The following GABRG2 variants were observed in gnomAD, a reference collection of about 807,000 sequenced individuals.
GABRG2 encodes the protein gamma-aminobutyric acid receptor subunit gamma-2.
GABRG2 carries 16 observed loss-of-function variants against 56.4 expected under a neutral mutation model. The ratio of observed to expected loss-of-function variants is 0.28; its 90% CI spans 0.19 to 0.43. The LOEUF is 0.43. GABRG2 is among the 20% of genes least tolerant of loss of function. The pLI is 1.00. For synonymous variants in GABRG2, 208 were observed against 205.5 expected (o/e 1.01, Z -0.10); for missense variants, 327 against 582.7 (o/e 0.56, Z 4.52).
intron 1 of GABRG2, among the ~76,000 whole-genome samples, chr5:162,082,181 G>A (rs991587978): frequency 5.3e-5 from 8 of 151,842 alleles, no homozygotes; most frequent in African/African-American, 1.9e-4. Flanking sequence ...TAATAGGGAA[G>A]ATGGGGGAAG....
At chr5:162,135,161 C>T (rs1764030247) in intron 6 of GABRG2, among the ~76,000 whole-genome samples, 1 of 152,090 alleles carries the variant, frequency 6.6e-6, no homozygotes. Flanking sequence ...TCTCAAATCA[C>T]CAAATAATAC....
intron 1 of GABRG2, among the ~76,000 whole-genome samples, chr5:162,080,516 G>A (rs183932806): frequency 3.9e-4 from 59 of 152,260 alleles, no homozygotes; most frequent in Admixed American, 1.4e-3. Context: ...GAATGAAAAA[G>A]TCTAGGGGAA....
intron 6 of GABRG2, among the ~76,000 whole-genome samples, chr5:162,127,603 A>G (rs1311804441): frequency 6.6e-6 from 1 of 151,930 alleles, no homozygotes; most frequent in Admixed American, 6.6e-5. Flanking sequence ...AGGGCTCTGG[A>G]TATGATCCTA....
At chr5:162,135,693 C>T (rs1197941810) in intron 6 of GABRG2, among the ~76,000 whole-genome samples, 5 of 151,920 alleles carry the variant, frequency 3.3e-5, no homozygotes, top group African/African-American at 7.3e-5. Flanking sequence ...CATTAATTGA[C>T]GTTTGAAAAA....
At chr5:162,127,292 G>T (rs1195366507) in intron 6 of GABRG2, among the ~76,000 whole-genome samples, 1 of 151,612 alleles carries the variant, frequency 6.6e-6, no homozygotes, top group Non-Finnish European at 1.5e-5. Context: ...TTAGATATTT[G>T]TGGCTAATGG....
At chr5:162,152,846 A>G (rs182563017) in intron 9 of GABRG2, 35 of 598,414 alleles carry the variant, frequency 5.8e-5, no homozygotes, top group South Asian at 1.4e-4. Context: ...TTGGTGTTCA[A>G]TCTCCTTGCT....
chr5:162,102,029 T>A (rs758789155), intron 5 of GABRG2: 8 of 156,192 alleles, frequency 5.1e-5, no homozygotes, highest in Non-Finnish European at 1.1e-4. Context: ...TTGGACAGAA[T>A]AAAAATCTGA....
chr5:162,147,359 T>TTCTG (rs957682545), intron 7 of GABRG2, among the ~76,000 whole-genome samples: 1 of 151,526 alleles, frequency 6.6e-6, no homozygotes, highest in East Asian at 1.9e-4. Flanking sequence ...CTGTCTCTCT[T>TTCTG]TCTGTCTGTC....
chr5:162,072,238 T>C (rs1758728239), intron 1 of GABRG2, among the ~76,000 whole-genome samples: 1 of 151,940 alleles, frequency 6.6e-6, no homozygotes, highest in African/African-American at 2.4e-5. Flanking sequence ...AGATACTGTA[T>C]CTCTTTGCTA....
At chr5:162,133,282 C>T (rs572142965) in intron 6 of GABRG2, among the ~76,000 whole-genome samples, 1 of 152,200 alleles carries the variant, frequency 6.6e-6, no homozygotes, top group East Asian at 1.9e-4. Flanking sequence ...AAACACTTTG[C>T]CTACTATTAG....
At chr5:162,079,018 T>C (rs1299308078) in intron 1 of GABRG2, among the ~76,000 whole-genome samples, 4 of 150,356 alleles carry the variant, frequency 2.7e-5, no homozygotes, top group African/African-American at 4.9e-5. Flanking sequence ...ATTAATATTA[T>C]ATAATTAATA....
intron 3 of GABRG2, among the ~76,000 whole-genome samples, 185 bp from the exon 4 acceptor site, chr5:162,097,453 A>G (rs1195116871): frequency 6.6e-6 from 1 of 152,190 alleles, no homozygotes; most frequent in African/African-American, 2.4e-5. Context: ...AAAGTATCAA[A>G]CATAGCTACA....
intron 8 of GABRG2, chr5:162,150,219 C>T (rs2113638097): frequency 6.6e-6 from 1 of 152,112 alleles, no homozygotes; most frequent in South Asian, 2.1e-4. Context: ...TTATGGGGCT[C>T]CTATGAGAAA....
intron 6 of GABRG2, among the ~76,000 whole-genome samples, chr5:162,116,304 G>A (rs1157798482): frequency 1.3e-5 from 2 of 151,770 alleles, no homozygotes; most frequent in Non-Finnish European, 1.5e-5. Flanking sequence ...GTATGGTAGA[G>A]TCAGTCTGTA....
intron 1 of GABRG2, among the ~76,000 whole-genome samples, chr5:162,078,148 A>G (rs1025570965): frequency 2.0e-5 from 3 of 151,932 alleles, no homozygotes; most frequent in African/African-American, 7.3e-5. Context: ...TACATGGCTT[A>G]TAAACAACAG....
chr5:162,068,100 A>G lies in GABRG2; in HGVS notation c.101A>G (p.Tyr34Cys), dbSNP rs1459935300. The G allele has an allele frequency of 1.9e-6, 3 of 1,611,158 alleles. No individual in the cohort carries two copies. The African/African-American group carries it at 4.0e-5, about 22-fold the overall frequency. Residue 34 changes from tyrosine (Y) to cysteine (C), a missense_variant, in exon 1 of 10, where the codon TAC becomes TGC. Tyr to Cys is a radical substitution (Grantham distance 194). Around this residue, in one of 4 missense-constraint regions of GABRG2, gnomAD observed 73 missense variants for 72.2 expected, o/e 1.01. Coordinates refer to ENST00000639213, the MANE Select transcript of GABRG2 (RefSeq NM_198904.4). Reference sequence around the variant, plus strand: ...TGGATTCTGCTCCTGCTGTCGCTCTACCCTGGGTAAGATGTGCCCTTTTTG... The same window carrying G: ...TGGATTCTGCTCCTGCTGTCGCTCTGCCCTGGGTAAGATGTGCCCTTTTTG... ...TVWILLLLSL[Y>C]PGFTSQKSDD... is the part of the protein sequence containing the mutation.
intron 6 of GABRG2, among the ~76,000 whole-genome samples, chr5:162,136,831 T>C (rs889180758): frequency 1.3e-5 from 2 of 152,132 alleles, no homozygotes; most frequent in African/African-American, 4.8e-5. Flanking sequence ...AATTGTGGTG[T>C]GTAAGATAAA....
intron 1 of GABRG2, among the ~76,000 whole-genome samples, chr5:162,078,690 C>T (rs928799253): frequency 6.6e-6 from 1 of 151,452 alleles, no homozygotes; most frequent in African/African-American, 2.4e-5. Flanking sequence ...CAGGTATGAG[C>T]CACCGTGCCC....
chr5:162,112,340 A>G (rs1300271641), intron 6 of GABRG2, among the ~76,000 whole-genome samples: 5 of 152,094 alleles, frequency 3.3e-5, no homozygotes, highest in Admixed American at 6.6e-5. Context: ...AGACATTTAC[A>G]TCAGTGTGAC....
Sources: gnomAD v4.1 joint callset for allele counts (sites outside exome capture counted in the v4.1 genomes callset) on GRCh38, gnomAD v4.1.1 for gene constraint, gnomAD v4.1.1 regional missense constraint, MANE v1.5 for transcripts, NCBI Gene and HGNC (gene_info 2026-07-23, HGNC 2026-07-21) for gene names.